Variants in CNOT10 observed in about 807,000 individuals in gnomAD.
CNOT10 encodes the protein CCR4-NOT transcription complex subunit 10.
CNOT10 carries 30 observed loss-of-function variants against 94.6 expected under a neutral mutation model. That is an observed-to-expected ratio of 0.32 (90% confidence interval 0.24 to 0.43). The LOEUF (loss-of-function observed/expected upper bound fraction) is 0.43. CNOT10 is among the 20% of genes least tolerant of loss of function. The pLI, the probability that CNOT10 is intolerant of heterozygous loss-of-function variation, is 1.00. For synonymous variants in CNOT10, 289 were observed against 301.6 expected, an observed-to-expected ratio of 0.96 and a Z score of 0.43; for missense variants, 759 against 877.2, an observed-to-expected ratio of 0.87 and a Z score of 1.70.
rs1389645366 is a variant in CNOT10, at chr3:32,721,091, G to T, written c.862+860G>T. ...TTTTTTTTTTTTTTGACAGAGTCTT[G>T]CTCTGTTGCCTGAGCTGGAGTGCAG... On this transcript the variant is annotated intron_variant, in intron 8 of 18. Coordinates refer to ENST00000328834, the MANE Select transcript of CNOT10 (RefSeq NM_015442.3). Among the ~76,000 whole-genome samples the T allele has an allele frequency of 3.9e-3, 370 of 94,884 alleles. 5 individuals are homozygous for T. The highest frequency in any genetic ancestry group is 0.014 in the African/African-American group (358 of 25,088). The allele number at this position is 94,884 out of a possible 152,430, so 62.2% of individuals were successfully genotyped here. A position where few individuals can be genotyped will look rare whatever the true frequency, so the allele number is the denominator to read the frequency against.
At chr3:32,713,593 A>G (rs564909207) in intron 5 of CNOT10, among the ~76,000 whole-genome samples, 4 of 152,236 alleles carry the variant, frequency 2.6e-5, no homozygotes, top group East Asian at 3.9e-4. Context: ...CATTACTACT[A>G]TCTAATTTCA....
chr3:32,728,819 C>A (rs960374319), intron 10 of CNOT10, among the ~76,000 whole-genome samples: 1 of 151,502 alleles, frequency 6.6e-6, no homozygotes, highest in African/African-American at 2.4e-5. Flanking sequence ...GGTCTGATAA[C>A]AGCCAGGTGC....
At chr3:32,764,912 A>C in intron 17 of CNOT10, 103 bp downstream of exon 17, 1 of 1,534,000 alleles carries the variant, frequency 6.5e-7, no homozygotes, top group South Asian at 1.2e-5. Flanking sequence ...CAGTTTGTTA[A>C]ATATTGGAAT....
intron 17 of CNOT10, 184 bp downstream of exon 17, chr3:32,764,993 A>T: frequency 6.6e-7 from 1 of 1,517,764 alleles, no homozygotes; most frequent in Non-Finnish European, 8.8e-7. Flanking sequence ...GAACCTAGAC[A>T]CTTAAAGGAA....
chr3:32,733,306 C>A, intron 10 of CNOT10, 117 bp from the exon 11 acceptor site: 1 of 761,480 alleles, frequency 1.3e-6, no homozygotes. Flanking sequence ...AAAAAAAGTC[C>A]TCATTGACTT....
intron 1 of CNOT10, among the ~76,000 whole-genome samples, chr3:32,686,137 C>T (rs1696590812): frequency 1.3e-5 from 2 of 152,124 alleles, no homozygotes; most frequent in African/African-American, 4.8e-5. Flanking sequence ...TCTAGTTCCT[C>T]GAAATTACTT....
intron 1 of CNOT10, among the ~76,000 whole-genome samples, chr3:32,697,181 C>T (rs1470937711): frequency 1.3e-5 from 2 of 151,992 alleles, no homozygotes; most frequent in African/African-American, 2.4e-5. Flanking sequence ...AACTGCTGAC[C>T]TCAGGTGATC....
chr3:32,753,095 G>T, intron 13 of CNOT10: 1 of 537,726 alleles, frequency 1.9e-6, no homozygotes, highest in Non-Finnish European at 3.6e-6. Flanking sequence ...TTACTGTGTT[G>T]CTGTTGCTGA....
rs1697970785 is a variant in CNOT10, at chr3:32,713,358, G to A, written c.562G>A (p.Gly188Arg). The A allele has an allele frequency of 3.1e-6, 5 of 1,593,924 alleles. No homozygotes were observed. The South Asian group carries it at 5.8e-5, about 18-fold the overall frequency. Residue 188 changes from glycine (G) to arginine (R), a missense_variant, in exon 5 of 19, where the codon GGA (glycine) becomes AGA (arginine). Coordinates refer to ENST00000328834, the MANE Select transcript of CNOT10 (RefSeq NM_015442.3). ...MISQGNNNKN[G>R]KNETGNNNNK... is the part of the protein sequence containing the mutation. ...TTCACAGGGTAACAATAACAAAAAT[G>A]GAAAGAATGAGGTGAGTCTTTAGAG...
chr3:32,753,808 G>A, intron 13 of CNOT10: 1 of 1,587,444 alleles, frequency 6.3e-7, no homozygotes, highest in Non-Finnish European at 8.6e-7. Context: ...CTTTATGGGA[G>A]TCTGATGGTA....
intron 1 of CNOT10, among the ~76,000 whole-genome samples, chr3:32,694,317 C>T (rs574840712): frequency 6.6e-6 from 1 of 152,172 alleles, no homozygotes; most frequent in South Asian, 2.1e-4. Context: ...TGAGTTTAGA[C>T]ATTCATCACA....
chr3:32,752,945 G>T, intron 13 of CNOT10: 1 of 432,648 alleles, frequency 2.3e-6, no homozygotes, highest in Non-Finnish European at 4.5e-6. Flanking sequence ...CAACTTCCCA[G>T]AGGTTTTTCC....
rs1486647312 is a variant in CNOT10 at position 32,762,754 on chromosome 3, T to C, written c.1731T>C (p.Ala577=). ...TTAGGTTTTTGGGACATTTATATGCTGCAGAAGCCCTCATCTCTCTCGACA... is the reference window on the plus strand; with the variant it reads ...TTAGGTTTTTGGGACATTTATATGCCGCAGAAGCCCTCATCTCTCTCGACA... The part of the protein sequence containing the change: ...GSLKFLGHLY[A]AEALISLDRI... Residue 577 remains alanine (A), a synonymous_variant, in exon 15 of 19, where the codon GCT becomes GCC. Coordinates refer to ENST00000328834, the MANE Select transcript of CNOT10 (RefSeq NM_015442.3). 6.9e-6 allele frequency: 11 copies of C among 1,590,788 alleles called. No individual in the cohort carries two copies. Among genetic ancestry groups the C allele is most frequent in the Non-Finnish European group, 8.5e-6 (10 of 1,174,362 alleles).
At chr3:32,750,491 CA>C (rs1332348944) in intron 13 of CNOT10, among the ~76,000 whole-genome samples, 1 of 151,062 alleles carries the variant, frequency 6.6e-6, no homozygotes, top group South Asian at 2.1e-4. Flanking sequence ...GACTCCATCT[CA>C]AAAACAAAAA....
intron 1 of CNOT10, among the ~76,000 whole-genome samples, chr3:32,692,584 T>A (rs1412606204): frequency 6.6e-6 from 1 of 152,222 alleles, no homozygotes; most frequent in Non-Finnish European, 1.5e-5. Context: ...CAGGAACATC[T>A]TTTTCCATTT....
At chr3:32,713,199 A>G (rs1293126172) in intron 4 of CNOT10, 28 bp from the exon 5 acceptor site, 6 of 1,552,570 alleles carry the variant, frequency 3.9e-6, no homozygotes, top group South Asian at 2.5e-5. Flanking sequence ...GGTTGTGACT[A>G]TTCTTTTCTG....
chr3:32,766,615 A>G (rs1464523696), intron 17 of CNOT10, among the ~76,000 whole-genome samples: 23 of 139,964 alleles, frequency 1.6e-4, no homozygotes, highest in Admixed American at 5.1e-4. Context: ...CCCGGGCAAC[A>G]GAGCGGGACT....
chr3:32,703,968 A>T lies in CNOT10; in HGVS notation c.117+6A>T. 2 of 1,584,936 alleles carry T rather than the reference A, an allele frequency of 1.3e-6. No individual in the cohort carries two copies. The highest frequency in any genetic ancestry group is 1.7e-6 in the Non-Finnish European group (2 of 1,153,690). On this transcript the variant is annotated splice_donor_region_variant and intron_variant, in intron 2 of 18. Transcript: ENST00000328834. The stretch of plus-strand genomic sequence containing the variant: ...ATGCTTTCCAAGCTTTCACAGTAAG[A>T]AATGGCTTCTCTTAGTCTGCTCAAG...
chr3:32,747,942 G>A (rs749185913), intron 13 of CNOT10, among the ~76,000 whole-genome samples: 38 of 151,566 alleles, frequency 2.5e-4, no homozygotes, highest in Non-Finnish European at 5.2e-4. Context: ...GCAAGACTCC[G>A]TCCCAACGCT....
Sources: gnomAD v4.1 joint callset for allele counts (sites outside exome capture counted in the v4.1 genomes callset) on GRCh38, gnomAD v4.1.1 for gene constraint, MANE v1.5 for transcripts, NCBI Gene and HGNC (gene_info 2026-07-23, HGNC 2026-07-21) for gene names.